LRBA: variants seen among roughly 807,000 people sequenced by gnomAD.
LRBA encodes the protein LPS responsive beige-like anchor protein, also known as lipopolysaccharide-responsive and beige-like anchor protein.
In LRBA, 176 loss-of-function variants were observed where a neutral mutation model predicts 330.0. The ratio of observed to expected loss-of-function variants is 0.53; its 90% confidence interval spans 0.47 to 0.60. The LOEUF is 0.60. LRBA is among the 20% of genes least tolerant of loss of function. The pLI, the probability that LRBA is intolerant of heterozygous loss-of-function variation, is 0.00. For missense variants in LRBA, 3,259 were observed against 3,444.8 expected, an observed-to-expected ratio of 0.95 and a Z score of 1.35; for synonymous variants, 1,230 against 1,193.0, an observed-to-expected ratio of 1.03 and a Z score of -0.64.
Position 150,820,993 on chromosome 4 carries a change from G to C in LRBA, c.5172-3736C>G, listed in dbSNP as rs147695382. 1.9e-3 allele frequency among the ~76,000 whole-genome samples: 283 copies of C among 152,134 alleles called. 3 individuals are homozygous for C. Among genetic ancestry groups the C allele is most frequent in the Admixed American group, 3.8e-3 (58 of 15,264 alleles). ...TGCATTGGAAAACACAGAGGAAAAT[G>C]CAATATGCATTTGACAAAACTGAGA... On this transcript the variant is annotated intron_variant, in intron 30 of 56. Coordinates refer to ENST00000651943, the MANE Select transcript of LRBA (RefSeq NM_001364905.1).
chr4:150,837,568 T>C (rs1198452886), intron 28 of LRBA, among the ~76,000 whole-genome samples: 1 of 152,222 alleles, frequency 6.6e-6, no homozygotes, highest in Non-Finnish European at 1.5e-5. Flanking sequence ...TCTCTTTTGA[T>C]CTTTGTTGGT....
At chr4:150,465,065 C>T (rs968730475) in intron 44 of LRBA, among the ~76,000 whole-genome samples, 1 of 152,048 alleles carries the variant, frequency 6.6e-6, no homozygotes, top group Non-Finnish European at 1.5e-5. Flanking sequence ...TTCTCTCCCT[C>T]ACCCCAGGCC....
chr4:150,708,354 C>T (rs1326316889), intron 36 of LRBA, among the ~76,000 whole-genome samples: 1 of 151,784 alleles, frequency 6.6e-6, no homozygotes, highest in African/African-American at 2.4e-5. Context: ...TGAACTCTGA[C>T]AGAAAGCAAA....
intron 34 of LRBA, among the ~76,000 whole-genome samples, chr4:150,775,441 G>GTCCATTCCATT (rs1305496107): frequency 1.4e-5 from 2 of 138,780 alleles, no homozygotes; most frequent in African/African-American, 5.4e-5. Context: ...CTAAAAGGAA[G>GTCCATTCCATT]TCTGCAATGG....
At chr4:150,937,501 A>G (rs1735198369) in intron 2 of LRBA, among the ~76,000 whole-genome samples, 1 of 152,088 alleles carries the variant, frequency 6.6e-6, no homozygotes, top group Non-Finnish European at 1.5e-5. Context: ...TAATCTTATT[A>G]CCTTTTTTAT....
intron 40 of LRBA, among the ~76,000 whole-genome samples, chr4:150,510,148 A>G (rs1761666005): frequency 6.6e-6 from 1 of 152,204 alleles, no homozygotes; most frequent in African/African-American, 2.4e-5. Flanking sequence ...TCAAAAAAAA[A>G]GAGAAAGATA....
chr4:150,400,790 T>C (rs763040766), intron 47 of LRBA, among the ~76,000 whole-genome samples: 2 of 152,104 alleles, frequency 1.3e-5, no homozygotes, highest in Non-Finnish European at 2.9e-5. Context: ...TAGTAGGCTA[T>C]GATCAGCCAC....
rs1350309576 is a variant in LRBA, at chr4:150,921,272, G to A, written c.571C>T (p.Leu191=). The change falls in exon 5 of 57, where the codon CTG becomes TTG. Residue 191 remains leucine (L), a synonymous_variant. Transcript: ENST00000651943. ...GRWPPHAGKL[L]SVLKHMPQKY... ...TGAGGCATATGCTTTAACACAGACA[G>A]CAACTTCCCAGCATGTGGAGGCTAT... The A allele has an allele frequency of 6.2e-7, 1 of 1,610,650 alleles. No individual in the cohort carries two copies. The highest frequency in any genetic ancestry group is 2.2e-5 in the East Asian group (1 of 44,832).
chr4:150,361,625 T>A (rs1208110906), intron 47 of LRBA, among the ~76,000 whole-genome samples: 1 of 152,194 alleles, frequency 6.6e-6, no homozygotes, highest in African/African-American at 2.4e-5. Context: ...CTCTAACATT[T>A]CAGCATTTAT....
chr4:150,780,660 CGT>C (rs746248518), intron 34 of LRBA, among the ~76,000 whole-genome samples: 116 of 14,104 alleles, frequency 8.2e-3, no homozygotes, highest in South Asian at 0.069. Flanking sequence ...TATATATATA[CGT>C]GTGTGTGTGT....
At chr4:150,489,841 G>C (rs1758681236) in intron 41 of LRBA, among the ~76,000 whole-genome samples, 2 of 147,128 alleles carry the variant, frequency 1.4e-5, no homozygotes, top group African/African-American at 5.0e-5. Flanking sequence ...GAATTCAGGG[G>C]GAAAAAATAA....
chr4:150,434,250 C>T (rs1486486771), intron 46 of LRBA, among the ~76,000 whole-genome samples: 1 of 152,002 alleles, frequency 6.6e-6, no homozygotes, highest in African/African-American at 2.4e-5. Flanking sequence ...CACAGTACAC[C>T]TTGCAGAAAG....
chr4:150,519,457 G>A (rs933850708), intron 40 of LRBA, among the ~76,000 whole-genome samples: 1 of 152,068 alleles, frequency 6.6e-6, no homozygotes, highest in Non-Finnish European at 1.5e-5. Flanking sequence ...ACATGGAATC[G>A]TACATCATGT....
At chr4:150,569,759 A>G (rs533423641) in intron 40 of LRBA, among the ~76,000 whole-genome samples, 121 of 152,212 alleles carry the variant, frequency 7.9e-4, no homozygotes, top group Non-Finnish European at 1.3e-3. Context: ...AGATCTGACC[A>G]CCATTTGACC....
At chr4:150,864,378 A>G (rs1322021390) in intron 22 of LRBA, among the ~76,000 whole-genome samples, 4 of 152,138 alleles carry the variant, frequency 2.6e-5, no homozygotes, top group Non-Finnish European at 5.9e-5. Flanking sequence ...TAAACTCAAT[A>G]TATAATATAA....
At chr4:150,780,633 A>ATATATATACATATATATACACG (rs376516369) in intron 34 of LRBA, among the ~76,000 whole-genome samples, 12 of 118,794 alleles carry the variant, frequency 1.0e-4, no homozygotes, top group African/African-American at 1.6e-4. Context: ...ATATACACGT[A>ATATATATACATATATATACACG]TATATATATA....
At chr4:150,771,165 A>G (rs1004881286) in intron 34 of LRBA, among the ~76,000 whole-genome samples, 3 of 152,160 alleles carry the variant, frequency 2.0e-5, no homozygotes, top group Non-Finnish European at 2.9e-5. Context: ...CAGGAACAGG[A>G]AGCAAAACTT....
intron 37 of LRBA, among the ~76,000 whole-genome samples, chr4:150,622,452 C>T (rs1360428048): frequency 1.3e-5 from 2 of 152,132 alleles, no homozygotes; most frequent in Admixed American, 1.3e-4. Context: ...GCAGGAGGAT[C>T]ATTGTGCCCA....
At chr4:150,379,667 A>C (rs1375127001) in intron 47 of LRBA, among the ~76,000 whole-genome samples, 1 of 152,220 alleles carries the variant, frequency 6.6e-6, no homozygotes, top group Non-Finnish European at 1.5e-5. Context: ...CATAGCATAC[A>C]TCCTGATGAC....
Sources: gnomAD v4.1 joint callset for allele counts (sites outside exome capture counted in the v4.1 genomes callset) on GRCh38, gnomAD v4.1.1 for gene constraint, MANE v1.5 for transcripts, NCBI Gene and HGNC (gene_info 2026-07-23, HGNC 2026-07-21) for gene names.